The following NALCN variants were observed in gnomAD, a reference collection of about 807,000 sequenced individuals.
NALCN encodes sodium leak channel NALCN.
NALCN carries 111 observed loss-of-function variants against 225.3 expected under a neutral mutation model. The observed-to-expected ratio is 0.49, with a 90% CI of 0.42 to 0.58. NALCN has a LOEUF of 0.58. Ranked by LOEUF, NALCN falls within the 20% of genes least tolerant of loss-of-function variation. NALCN has a pLI of 0.00. For missense variants in NALCN, 1,378 were observed against 2,202.4 expected, an observed-to-expected ratio of 0.63 and a Z score of 7.49; for synonymous variants, 764 against 769.0, an observed-to-expected ratio of 0.99 and a Z score of 0.11.
intron 18 of NALCN, among the ~76,000 whole-genome samples, chr13:101,112,900 A>G (rs938869648): frequency 2.0e-5 from 3 of 152,122 alleles, no homozygotes; most frequent in African/African-American, 7.2e-5. Context: ...TATAACACAT[A>G]TATTACAGAA....
At chr13:101,116,199 A>G (rs1013036764) in intron 18 of NALCN, among the ~76,000 whole-genome samples, 14 of 151,704 alleles carry the variant, frequency 9.2e-5, no homozygotes, top group African/African-American at 3.2e-4. Flanking sequence ...CAAAAATATT[A>G]CCCCTGGTTT....
intron 15 of NALCN, among the ~76,000 whole-genome samples, chr13:101,154,708 A>G (rs1166119811): frequency 2.0e-5 from 3 of 152,236 alleles, no homozygotes; most frequent in Non-Finnish European, 4.4e-5. Context: ...ACACTAACGG[A>G]GTCCCATCAA....
At chr13:101,198,603 A>G (rs2039985658) in intron 13 of NALCN, among the ~76,000 whole-genome samples, 1 of 152,206 alleles carries the variant, frequency 6.6e-6, no homozygotes, top group Admixed American at 6.5e-5. Flanking sequence ...ACTATCTCAC[A>G]CCAGTTAGAA....
chr13:101,152,954 G>A lies in NALCN; in HGVS notation c.1840-8058C>T, dbSNP rs1434074768. ...GGTTCTTATTGTGAGATGATTCTTC[G>A]TTAAGTGCTAGGGAAAAATGTCACA... is the stretch of plus-strand genomic sequence containing the variant. On this transcript the variant is annotated intron_variant, in intron 15 of 43. Coordinates refer to ENST00000251127, the MANE Select transcript of NALCN (RefSeq NM_052867.4). Among the ~76,000 whole-genome samples the A allele has an allele frequency of 8.6e-5, 13 of 151,772 alleles. No homozygotes were observed. The East Asian group carries it at 2.5e-3, about 29-fold the overall frequency.
At chr13:101,058,235 C>T in intron 42 of NALCN, 179 bp from the exon 43 acceptor site, 1 of 582,420 alleles carries the variant, frequency 1.7e-6, no homozygotes, top group Non-Finnish European at 3.0e-6. Flanking sequence ...AAAAGAGCCA[C>T]CACTGCACGC....
At chr13:101,301,371 G>A (rs1464715770) in intron 7 of NALCN, among the ~76,000 whole-genome samples, 4 of 152,192 alleles carry the variant, frequency 2.6e-5, no homozygotes, top group Non-Finnish European at 5.9e-5. Context: ...CCTTTGAGGA[G>A]CAGTGAGGTC....
intron 12 of NALCN, among the ~76,000 whole-genome samples, chr13:101,236,477 G>T (rs1293338259): frequency 6.6e-6 from 1 of 151,992 alleles, no homozygotes; most frequent in Non-Finnish European, 1.5e-5. Context: ...TGTTTATTGC[G>T]GCACTCTTCA....
intron 13 of NALCN, among the ~76,000 whole-genome samples, chr13:101,224,841 CTT>C (rs1391996784): frequency 1.2e-4 from 18 of 152,194 alleles, no homozygotes; most frequent in African/African-American, 3.6e-4. Flanking sequence ...ACAAGCCTCA[CTT>C]TGCTTTTCAG....
chr13:101,387,656 G>A (rs764428544), intron 3 of NALCN, among the ~76,000 whole-genome samples: 1 of 152,160 alleles, frequency 6.6e-6, no homozygotes. Context: ...TATGAAAAAT[G>A]ATGAGGTTTT....
chr13:101,213,047 T>C (rs3858787), intron 13 of NALCN, among the ~76,000 whole-genome samples: 25,548 of 150,226 alleles, frequency 0.17, 2,469 homozygotes, highest in East Asian at 0.36. Flanking sequence ...CTTCAAACTA[T>C]ACTATAAGGC....
At chr13:101,401,697 C>A (rs1054654528) in intron 1 of NALCN, among the ~76,000 whole-genome samples, 1 of 152,108 alleles carries the variant, frequency 6.6e-6, no homozygotes, top group Non-Finnish European at 1.5e-5. Context: ...GCAATTATAA[C>A]TGAATGACAT....
intron 7 of NALCN, among the ~76,000 whole-genome samples, chr13:101,336,163 T>C (rs1467197035): frequency 6.6e-6 from 1 of 152,136 alleles, no homozygotes; most frequent in African/African-American, 2.4e-5. Flanking sequence ...TTGTCAATCC[T>C]ATTTCAGCAA....
intron 9 of NALCN, among the ~76,000 whole-genome samples, chr13:101,284,472 T>C (rs1039125330): frequency 6.6e-6 from 1 of 152,170 alleles, no homozygotes; most frequent in East Asian, 1.9e-4. Context: ...TGGACTACCA[T>C]GGTATCTTAC....
chr13:101,326,235 C>T (rs2139213985), intron 7 of NALCN, among the ~76,000 whole-genome samples: 1 of 152,278 alleles, frequency 6.6e-6, no homozygotes, highest in African/African-American at 2.4e-5. Context: ...AAATGCAATG[C>T]CATCCATCTC....
chr13:101,270,765 T>G (rs1014178087), intron 10 of NALCN, among the ~76,000 whole-genome samples: 3 of 152,224 alleles, frequency 2.0e-5, no homozygotes, highest in African/African-American at 7.2e-5. Context: ...CTGCAGATTG[T>G]GTTGAACACT....
chr13:101,407,136 T>C (rs937544889), intron 1 of NALCN, among the ~76,000 whole-genome samples: 1 of 152,238 alleles, frequency 6.6e-6, no homozygotes, highest in East Asian at 1.9e-4. Flanking sequence ...ATTTGTTTTG[T>C]AGTGCTCTCT....
rs976738821 is a variant in NALCN, at chr13:101,284,012, T to C, written c.1055A>G (p.His352Arg). Residue 352 changes from histidine to arginine, a missense_variant, in exon 10 of 44, where the codon CAT becomes CGT. Transcript: ENST00000251127. ...CTGCCAACCTCCAGCAGCATCTTCA[T>C]GAAACATCTTCAAGACAAAGAAGGG... ...TTSTATTQMF[H>R]EDAAGGWQLV... 6.2e-7 allele frequency: 1 copy of C among 1,613,244 alleles called. No individual in the cohort carries two copies. Among genetic ancestry groups the C allele is most frequent in the South Asian group, 1.1e-5 (1 of 90,818 alleles).
At chr13:101,193,536 T>C (rs944214980) in intron 13 of NALCN, among the ~76,000 whole-genome samples, 9 of 152,188 alleles carry the variant, frequency 5.9e-5, no homozygotes, top group Admixed American at 5.2e-4. Context: ...CTTGAGTTGA[T>C]TTTTCTATAA....
chr13:101,327,165 C>T (rs1237108758), intron 7 of NALCN, among the ~76,000 whole-genome samples: 3 of 151,958 alleles, frequency 2.0e-5, no homozygotes, highest in Non-Finnish European at 4.4e-5. Flanking sequence ...CTTACTCTAC[C>T]CTTGCAAATA....
Sources: gnomAD v4.1 joint callset for allele counts (sites outside exome capture counted in the v4.1 genomes callset) on GRCh38, gnomAD v4.1.1 for gene constraint, MANE v1.5 for transcripts, NCBI Gene and HGNC (gene_info 2026-07-23, HGNC 2026-07-21) for gene names.